The following CWH43 variants were observed in gnomAD, a reference collection of about 807,000 sequenced individuals.
CWH43 encodes the protein cell wall biogenesis 43 C-terminal homolog.
CWH43 carries 91 observed loss-of-function variants against 85.7 expected under a neutral mutation model. The ratio of observed to expected loss-of-function variants is 1.06; its 90% CI spans 0.90 to 1.26. The LOEUF is 1.26. CWH43 is among the 50% of genes most tolerant of loss of function. The pLI is 0.00. For synonymous variants in CWH43, 323 were observed against 293.6 expected (o/e 1.10, Z -1.02); for missense variants, 869 against 839.2 (o/e 1.04, Z -0.44).
At chr4:49,050,049 C>T (rs916218989) in intron 14 of CWH43, among the ~76,000 whole-genome samples, 4 of 152,182 alleles carry the variant, frequency 2.6e-5, no homozygotes, top group African/African-American at 9.7e-5. Context: ...TACATATGTG[C>T]TTCATTGAAT....
At position 48,986,912 on chromosome 4, in the gene CWH43, G is replaced by C. The variant is rs1396703009; in HGVS notation, c.43+440G>C. On this transcript the variant is annotated intron_variant, in intron 1 of 15. Coordinates refer to ENST00000226432, the MANE Select transcript of CWH43 (RefSeq NM_025087.3). ...CAGGAGCTGTAGGTGGACACTGGGC[G>C]GCAGCTGCTGCCGTGGGCTGGGCCC... 11 of 645,752 alleles carry C rather than the reference G, an allele frequency of 1.7e-5. No homozygotes were observed. In the South Asian group the frequency reaches 6.1e-4, roughly 36 times the overall value. 40.0% of individuals were successfully genotyped at this position (645,752 alleles called of 1,614,324 possible). A position where few individuals can be genotyped will look rare whatever the true frequency, so the allele number is the denominator to read the frequency against.
chr4:49,012,281 G>T (rs1027863999), intron 8 of CWH43, among the ~76,000 whole-genome samples: 1 of 152,142 alleles, frequency 6.6e-6, no homozygotes, highest in African/African-American at 2.4e-5. Context: ...TGAAGCTTGT[G>T]CATGAATCAC....
chr4:49,033,106 A>G (rs1397681282), intron 12 of CWH43, among the ~76,000 whole-genome samples: 1 of 152,218 alleles, frequency 6.6e-6, no homozygotes, highest in Non-Finnish European at 1.5e-5. Context: ...GCCAGGGCAT[A>G]GGCAGTCCCA....
chr4:49,024,551 C>A (rs1048080695), intron 9 of CWH43, among the ~76,000 whole-genome samples: 1 of 152,082 alleles, frequency 6.6e-6, no homozygotes, highest in Non-Finnish European at 1.5e-5. Context: ...TTGGTAGTGG[C>A]AAATTCTCTT....
At chr4:49,061,023 T>C (rs566781231) in intron 15 of CWH43, among the ~76,000 whole-genome samples, 6 of 152,322 alleles carry the variant, frequency 3.9e-5, no homozygotes, top group Admixed American at 6.5e-5. Flanking sequence ...AATCATTGCA[T>C]AATATTTCAT....
chr4:49,031,704 GA>G (rs1233061726), intron 11 of CWH43, among the ~76,000 whole-genome samples: 1 of 152,212 alleles, frequency 6.6e-6, no homozygotes, highest in East Asian at 1.9e-4. Context: ...GCACAGATGA[GA>G]GATGACAATG....
At chr4:49,013,494 T>C (rs1783435493) in intron 8 of CWH43, among the ~76,000 whole-genome samples, 1 of 152,258 alleles carries the variant, frequency 6.6e-6, no homozygotes, top group African/African-American at 2.4e-5. Flanking sequence ...CTCCATGGGC[T>C]GTGCCCACTG....
At position 49,022,254 on chromosome 4, in the gene CWH43, A is replaced by G. The variant is rs543532178; in HGVS notation, c.1266+4926A>G. On this transcript the variant is annotated intron_variant, in intron 9 of 15. Transcript: ENST00000226432. Reference sequence around the variant, plus strand: ...GCCGATTTTGCTGAGGGTTTTAATCATAAAGCGACGCTGGATATTGTCAAC... The same window carrying G: ...GCCGATTTTGCTGAGGGTTTTAATCGTAAAGCGACGCTGGATATTGTCAAC... Among the ~76,000 whole-genome samples the G allele has an allele frequency of 3.9e-5, 6 of 152,260 alleles. No homozygotes were observed. The South Asian group carries it at 1.2e-3, about 32-fold the overall frequency.
chr4:48,988,338 G>A, intron 1 of CWH43, 139 bp from the exon 2 acceptor site: 8 of 466,920 alleles, frequency 1.7e-5, no homozygotes, highest in South Asian at 6.2e-5. Context: ...CATGTCAGTG[G>A]AGACAACTGG....
intron 9 of CWH43, among the ~76,000 whole-genome samples, chr4:49,022,245 G>T (rs1322760332): frequency 6.6e-6 from 1 of 152,048 alleles, no homozygotes; most frequent in Non-Finnish European, 1.5e-5. Context: ...TTTGCTGAGG[G>T]TTTTAATCAT....
At chr4:49,029,260 C>T (rs1028162748) in intron 10 of CWH43, among the ~76,000 whole-genome samples, 10 of 152,202 alleles carry the variant, frequency 6.6e-5, no homozygotes, top group African/African-American at 2.4e-4. Flanking sequence ...GAAACATGTG[C>T]TGTATGGAAT....
chr4:48,993,520 C>G (rs1473364904), intron 4 of CWH43, among the ~76,000 whole-genome samples: 1 of 152,174 alleles, frequency 6.6e-6, no homozygotes, highest in Non-Finnish European at 1.5e-5. Flanking sequence ...CTGTAGAGGG[C>G]TGGATGGGGT....
At chr4:49,056,555 C>CT (rs773029586) in intron 15 of CWH43, among the ~76,000 whole-genome samples, 4 of 152,074 alleles carry the variant, frequency 2.6e-5, no homozygotes, top group Admixed American at 6.5e-5. Flanking sequence ...TTGATTTTCT[C>CT]TTTTTTTCTT....
At chr4:49,044,592 GGC>G (rs1247588939) in intron 13 of CWH43, among the ~76,000 whole-genome samples, 192 bp from the exon 14 acceptor site, 4 of 152,154 alleles carry the variant, frequency 2.6e-5, no homozygotes, top group African/African-American at 9.7e-5. Flanking sequence ...AAGCTAGATA[GGC>G]GCACAGTAGG....
At chr4:48,998,686 A>G in intron 6 of CWH43, 138 bp downstream of exon 6, 5 of 667,790 alleles carry the variant, frequency 7.5e-6, no homozygotes, top group Non-Finnish European at 1.4e-5. Context: ...GTAAACAGCA[A>G]CTATAATGCA....
At chr4:49,015,266 T>G (rs1239022412) in intron 8 of CWH43, among the ~76,000 whole-genome samples, 2 of 152,062 alleles carry the variant, frequency 1.3e-5, no homozygotes, top group Non-Finnish European at 2.9e-5. Context: ...ATTAGGGTTT[T>G]TTTTTTCCCT....
chr4:49,028,584 C>T lies in CWH43; in HGVS notation c.1267-45C>T, dbSNP rs1305928151. ...GAGAAAAGTGGGTCACTGAAACTGC[C>T]ATTGTTCACAGTCATCCTAAACTAC... On this transcript the variant is annotated intron_variant, in intron 9 of 15. Coordinates refer to ENST00000226432, the MANE Select transcript of CWH43 (RefSeq NM_025087.3). The T allele has an allele frequency of 5.8e-6, 8 of 1,389,748 alleles. No individual in the cohort carries two copies. The Admixed American group carries it at 1.5e-4, about 26-fold the overall frequency. 86.1% of individuals were successfully genotyped at this position (1,389,748 alleles called of 1,614,324 possible).
At chr4:48,995,963 TC>T (rs956967046) in intron 5 of CWH43, among the ~76,000 whole-genome samples, 18 of 151,554 alleles carry the variant, frequency 1.2e-4, no homozygotes, top group Middle Eastern at 6.8e-3. Context: ...TCTCAGCAGT[TC>T]CCCCCCACCA....
At chr4:49,013,648 T>C (rs148885530) in intron 8 of CWH43, among the ~76,000 whole-genome samples, 1 of 152,248 alleles carries the variant, frequency 6.6e-6, no homozygotes, top group Non-Finnish European at 1.5e-5. Flanking sequence ...TTTTGTACTT[T>C]AAAGCAAATC....
Sources: allele counts gnomAD v4.1 joint callset (sites outside exome capture counted in the v4.1 genomes callset), GRCh38; gene constraint gnomAD v4.1.1; transcripts MANE v1.5; gene names NCBI Gene and HGNC (gene_info 2026-07-23, HGNC 2026-07-21).